Variants in FANCC observed in about 807,000 individuals in gnomAD.
The protein encoded by FANCC is Fanconi anemia group C protein.
A neutral mutation model predicts 71.3 loss-of-function variants in FANCC; 55 were observed. That is an observed-to-expected ratio of 0.77 (90% CI 0.62 to 0.97). FANCC has a LOEUF of 0.97. Among genes scored for constraint, FANCC ranks in the 50% least tolerant of loss-of-function variants. The probability of loss-of-function intolerance (pLI) is 0.00; values close to 1 mark genes in which losing one functional copy is unlikely to be tolerated. For missense variants in FANCC, 678 were observed against 670.9 expected (o/e 1.01, Z -0.12); for synonymous variants, 275 against 244.9 (o/e 1.12, Z -1.15).
At chr9:95,151,053 A>C (rs1830142513) in intron 6 of FANCC, among the ~76,000 whole-genome samples, 1 of 152,228 alleles carries the variant, frequency 6.6e-6, no homozygotes, top group Admixed American at 6.5e-5. Flanking sequence ...AGTACCGAAC[A>C]GTGCACATTT....
Position 95,211,609 on chromosome 9 carries a change from C to T in FANCC, c.345+29040G>A, listed in dbSNP as rs1217076001. Among the ~76,000 whole-genome samples, 4 of 152,066 alleles carry T rather than the reference C, an allele frequency of 2.6e-5. No individual in the cohort carries two copies. In the South Asian group the frequency reaches 8.3e-4, roughly 32 times the overall value. On this transcript the variant is annotated intron_variant, in intron 4 of 14. Transcript: ENST00000289081. ...AACATAAATGTCTGCCGGGATAAAA[C>T]AACACTCTCTCTAAAAGAAGACAAC...
chr9:95,314,824 G>A (rs1180169844), intron 1 of FANCC, among the ~76,000 whole-genome samples: 4 of 151,936 alleles, frequency 2.6e-5, no homozygotes, highest in Non-Finnish European at 4.4e-5. Flanking sequence ...AAATTAAAGC[G>A]CTCAACAAAT....
At chr9:95,274,128 A>ATTT (rs1333123658) in intron 1 of FANCC, among the ~76,000 whole-genome samples, 1 of 152,122 alleles carries the variant, frequency 6.6e-6, no homozygotes, top group Non-Finnish European at 1.5e-5. Flanking sequence ...GCACCGATCA[A>ATTT]CCCGTCATCT....
At chr9:95,142,682 G>C (rs953693770) in intron 7 of FANCC, 4 of 152,164 alleles carry the variant, frequency 2.6e-5, no homozygotes, top group African/African-American at 9.7e-5. Flanking sequence ...ACTTATAAAA[G>C]GGATCTCTTT....
intron 3 of FANCC, among the ~76,000 whole-genome samples, chr9:95,246,615 C>T (rs1425571396): frequency 6.6e-6 from 1 of 152,128 alleles, no homozygotes; most frequent in Non-Finnish European, 1.5e-5. Context: ...TTCCTGTTCT[C>T]GAGAGGCATG....
chr9:95,270,045 G>A (rs899129716), intron 1 of FANCC, among the ~76,000 whole-genome samples: 3 of 152,092 alleles, frequency 2.0e-5, no homozygotes, highest in Non-Finnish European at 4.4e-5. Flanking sequence ...CAGAGAGCAC[G>A]GGGTTGGGGG....
chr9:95,243,277 G>A (rs926558436), intron 3 of FANCC, among the ~76,000 whole-genome samples: 5 of 152,174 alleles, frequency 3.3e-5, no homozygotes, highest in East Asian at 1.9e-4. Context: ...TTCAGAAGGT[G>A]AAGGCAGTAT....
At chr9:95,260,833 G>A (rs1188953436) in intron 1 of FANCC, among the ~76,000 whole-genome samples, 2 of 152,174 alleles carry the variant, frequency 1.3e-5, no homozygotes, top group Non-Finnish European at 2.9e-5. Flanking sequence ...GCAAATTGTT[G>A]AAATAGTATG....
intron 1 of FANCC, among the ~76,000 whole-genome samples, chr9:95,314,568 C>T (rs1366669507): frequency 1.3e-5 from 2 of 151,978 alleles, no homozygotes; most frequent in Non-Finnish European, 2.9e-5. Flanking sequence ...AGAAGAATCG[C>T]TTGAACCCGG....
At chr9:95,281,760 A>T (rs1011256818) in intron 1 of FANCC, among the ~76,000 whole-genome samples, 5 of 152,104 alleles carry the variant, frequency 3.3e-5, no homozygotes, top group African/African-American at 1.2e-4. Context: ...AAAAGATATA[A>T]ATTTTGACAC....
chr9:95,193,985 C>G (rs752472287), intron 4 of FANCC, among the ~76,000 whole-genome samples: 10 of 152,174 alleles, frequency 6.6e-5, no homozygotes. Flanking sequence ...TCTGAGTCCA[C>G]CCTGTTACTT....
At chr9:95,223,578 C>A (rs892672310) in intron 4 of FANCC, among the ~76,000 whole-genome samples, 5 of 152,120 alleles carry the variant, frequency 3.3e-5, no homozygotes, top group Non-Finnish European at 5.9e-5. Flanking sequence ...ACAAATTCAA[C>A]CTATAACATA....
intron 1 of FANCC, among the ~76,000 whole-genome samples, chr9:95,272,732 C>T (rs564909783): frequency 2.6e-5 from 4 of 152,210 alleles, no homozygotes; most frequent in African/African-American, 9.6e-5. Flanking sequence ...AAAAAATTAA[C>T]AGAAGTAATT....
At chr9:95,181,557 A>G (rs1826369121) in intron 4 of FANCC, among the ~76,000 whole-genome samples, 1 of 152,240 alleles carries the variant, frequency 6.6e-6, no homozygotes, top group South Asian at 2.1e-4. Flanking sequence ...ATGCTGGCAG[A>G]GTGATCTTGG....
intron 10 of FANCC, among the ~76,000 whole-genome samples, chr9:95,122,564 G>C (rs570714720): frequency 2.7e-4 from 41 of 152,300 alleles, no homozygotes; most frequent in African/African-American, 9.6e-4. Context: ...CCTCACACCA[G>C]GACCCAGTGT....
In FANCC at chr9:95,247,458, C is replaced by T. The variant is rs1831056324; in HGVS notation, c.224G>A (p.Cys75Tyr). ...PTIGQLLAKA[C>Y]WNPFILAYDE... ...ATATGCTAAAATAAAAGGATTCCAACAAGCTTTTGCCAACAGTTGACCAAT... is the reference window on the plus strand; with the variant it reads ...ATATGCTAAAATAAAAGGATTCCAATAAGCTTTTGCCAACAGTTGACCAAT... The change falls in exon 3 of 15, where the codon TGT (cysteine) becomes TAT (tyrosine). Residue 75 changes from cysteine to tyrosine, a missense_variant. Cys to Tyr is a radical substitution (Grantham distance 194, BLOSUM62 -2). Coordinates refer to ENST00000289081, the MANE Select transcript of FANCC (RefSeq NM_000136.3). The T allele has an allele frequency of 6.2e-7, 1 of 1,613,328 alleles. No individual in the cohort carries two copies. Among genetic ancestry groups the T allele is most frequent in the Non-Finnish European group, 8.5e-7 (1 of 1,179,558 alleles).
Position 95,101,791 on chromosome 9 carries a change from G to C in FANCC, c.1593C>G (p.Tyr531Ter). The change falls in exon 15 of 15, where the codon TAC becomes TAG. Residue 531 changes from tyrosine (Y) to a stop codon, truncating the protein, a stop_gained. Transcript: ENST00000289081. LOFTEE classifies it low-confidence loss of function (END_TRUNC). ...TTTCAATGCCAAGACGATTCCATCT[G>C]TACAAGGTCTGGTCAAGAAAGCCAA... ...EIIGFLDQTLYRWNRLGIESP... is the reference protein window; with the variant it reads ...EIIGFLDQTL 6.2e-7 allele frequency: 1 copy of C among 1,614,140 alleles called. No individual in the cohort carries two copies. The highest frequency in any genetic ancestry group is 8.5e-7 in the Non-Finnish European group (1 of 1,180,034).
intron 7 of FANCC, among the ~76,000 whole-genome samples, chr9:95,142,111 G>A (rs879383648): frequency 1.3e-4 from 19 of 147,206 alleles, no homozygotes; most frequent in Admixed American, 1.3e-3. Flanking sequence ...TCCTGCCTCA[G>A]CCTCCTGAGT....
intron 4 of FANCC, among the ~76,000 whole-genome samples, chr9:95,237,455 C>A (rs902288174): frequency 6.6e-6 from 1 of 152,212 alleles, no homozygotes; most frequent in South Asian, 2.1e-4. Context: ...CTCTCCTCAC[C>A]GAGTCTTTGC....
Sources: allele counts gnomAD v4.1 joint callset (sites outside exome capture counted in the v4.1 genomes callset), GRCh38; gene constraint gnomAD v4.1.1; transcripts MANE v1.5; gene names NCBI Gene and HGNC (gene_info 2026-07-23, HGNC 2026-07-21).